CFAP47: variants seen among roughly 807,000 people sequenced by gnomAD.
CFAP47 encodes the protein cilia and flagella associated protein 47.
CFAP47 carries 29 observed loss-of-function variants against 148.1 expected under a neutral mutation model. That is an observed-to-expected ratio of 0.20 (90% CI 0.15 to 0.27). CFAP47 has a LOEUF of 0.27. Ranked by LOEUF, CFAP47 falls within the 10% of genes least tolerant of loss-of-function variation. The pLI is 1.00. For missense variants in CFAP47, 1,872 were observed against 1,697.5 expected (o/e 1.10, Z -1.81); for synonymous variants, 664 against 577.3 (o/e 1.15, Z -2.15).
At chrX:36,059,004 C>T (rs750248027) in intron 26 of CFAP47, among the ~76,000 whole-genome samples, 2 of 112,061 alleles carry the variant, frequency 1.8e-5, no homozygotes, top group Non-Finnish European at 3.8e-5. Flanking sequence ...GGAATTCAGA[C>T]CATTGGCCAG....
intron 26 of CFAP47, among the ~76,000 whole-genome samples, chrX:36,047,517 G>A (rs184953626): frequency 8.9e-6 from 1 of 112,075 alleles, no homozygotes; most frequent in African/African-American, 3.2e-5. Context: ...CTTTAACGGG[G>A]TGAGGAGATT....
chrX:36,119,772 C>T (rs773429594), intron 33 of CFAP47, among the ~76,000 whole-genome samples: 32 of 111,010 alleles, frequency 2.9e-4, no homozygotes, highest in Admixed American at 4.8e-4. Context: ...GATATCTTCA[C>T]GGTTTAAAGT....
chrX:35,956,540 A>G (rs533420518), intron 8 of CFAP47, among the ~76,000 whole-genome samples: 2 of 112,331 alleles, frequency 1.8e-5, no homozygotes, highest in African/African-American at 6.5e-5. Context: ...AAACTCAAAT[A>G]ACAGAATGTT....
chrX:36,333,220 CTT>C (rs11317977), intron 57 of CFAP47, among the ~76,000 whole-genome samples: 11 of 109,038 alleles, frequency 1.0e-4, no homozygotes, highest in African/African-American at 3.7e-4. Flanking sequence ...ATACATCTAC[CTT>C]TTTTTTTACC....
intron 62 of CFAP47, among the ~76,000 whole-genome samples, chrX:36,368,965 C>G (rs888810237): frequency 1.8e-5 from 2 of 111,249 alleles, no homozygotes; most frequent in African/African-American, 6.5e-5. Flanking sequence ...GAGAGCCAGG[C>G]AACTCTAGTC....
chrX:36,360,372 C>A (rs1941818651), intron 60 of CFAP47, among the ~76,000 whole-genome samples: 1 of 111,633 alleles, frequency 9.0e-6, no homozygotes, highest in African/African-American at 3.3e-5. Flanking sequence ...GGGGCCATGA[C>A]TGGGGACACA....
chrX:35,938,645 A>T (rs1935953094), intron 2 of CFAP47, among the ~76,000 whole-genome samples: 1 of 111,552 alleles, frequency 9.0e-6, no homozygotes. Context: ...ATCCCTATTT[A>T]AAATTTTTTG....
intron 21 of CFAP47, among the ~76,000 whole-genome samples, chrX:36,010,015 G>T (rs1219593274): frequency 9.0e-6 from 1 of 110,568 alleles, no homozygotes; most frequent in East Asian, 2.8e-4. Flanking sequence ...AGTTTACCAA[G>T]GTACCATGGA....
intron 3 of CFAP47, among the ~76,000 whole-genome samples, chrX:35,941,916 C>T (rs772740870): frequency 9.0e-6 from 1 of 111,306 alleles, no homozygotes; most frequent in African/African-American, 3.3e-5. Flanking sequence ...CCCCAGAAGG[C>T]TTTTACTAAT....
chrX:36,138,899 T>A (rs1035149182), intron 35 of CFAP47, among the ~76,000 whole-genome samples: 2 of 111,336 alleles, frequency 1.8e-5, no homozygotes, highest in African/African-American at 6.5e-5. Flanking sequence ...ACGTTTTAAT[T>A]GTATGTTGAC....
intron 33 of CFAP47, among the ~76,000 whole-genome samples, chrX:36,109,909 T>C (rs1938528134): frequency 8.9e-6 from 1 of 112,441 alleles, no homozygotes. Flanking sequence ...GTATGTCTTT[T>C]GAAAAGTGTC....
intron 51 of CFAP47, among the ~76,000 whole-genome samples, chrX:36,290,042 T>A (rs190045181): frequency 2.2e-3 from 247 of 110,209 alleles, no homozygotes; most frequent in African/African-American, 7.6e-3. Context: ...ACACCCTCTC[T>A]TCCTCCCTCC....
chrX:36,371,610 TATATATGTGTA>T (rs1171802393), intron 62 of CFAP47, among the ~76,000 whole-genome samples: 11 of 92,308 alleles, frequency 1.2e-4, no homozygotes, highest in African/African-American at 3.9e-4. Flanking sequence ...TATATATGTG[TATATATGTGTA>T]ATATATGTGT....
chrX:36,371,897 CATGTGTATATAT>C (rs1275738660), intron 62 of CFAP47, among the ~76,000 whole-genome samples: 2 of 76,884 alleles, frequency 2.6e-5, no homozygotes, highest in Admixed American at 2.7e-4. Flanking sequence ...CATATACACA[CATGTGTATATAT>C]GTGTGTATAT....
At chrX:35,989,171 C>A in intron 15 of CFAP47, 148 bp from the exon 16 acceptor site, 1 of 464,563 alleles carries the variant, frequency 2.2e-6, no homozygotes, top group Non-Finnish European at 3.6e-6. Flanking sequence ...TAATATCTCA[C>A]TTAGCATTTT....
chrX:36,301,131 A>G lies in CFAP47; in HGVS notation c.7922A>G (p.Glu2641Gly). 2 of 1,160,874 alleles carry G rather than the reference A, an allele frequency of 1.7e-6. No homozygotes were observed. The highest frequency in any genetic ancestry group is 2.3e-6 in the Non-Finnish European group (2 of 867,710). ...EFWYLLKLTI[E>G]LPKPTTMPEI... ...TGGTATTTACTGAAGTTAACTATTG[A>G]ATTACCAAAACCAACCACAATGCCA... The change falls in exon 53 of 64, where the codon GAA becomes GGA. Residue 2641 changes from glutamate to glycine, a missense_variant. Transcript: ENST00000378653.
At chrX:36,009,297 T>C (rs1203207612) in intron 21 of CFAP47, among the ~76,000 whole-genome samples, 1 of 110,849 alleles carries the variant, frequency 9.0e-6, no homozygotes, top group East Asian at 2.8e-4. Context: ...AATATTATAA[T>C]ATGTATGATA....
chrX:35,947,563 G>A (rs2061178138), intron 3 of CFAP47, among the ~76,000 whole-genome samples: 1 of 106,660 alleles, frequency 9.4e-6, no homozygotes, highest in Non-Finnish European at 1.9e-5. Flanking sequence ...CTGTGTAATT[G>A]CTGTCCTTTT....
intron 2 of CFAP47, among the ~76,000 whole-genome samples, chrX:35,940,570 G>A (rs1437822106): frequency 9.0e-6 from 1 of 111,074 alleles, no homozygotes; most frequent in Non-Finnish European, 1.9e-5. Context: ...TTTTACAAGA[G>A]GAAGAGAAAC....
Sources: allele counts gnomAD v4.1 joint callset (sites outside exome capture counted in the v4.1 genomes callset), GRCh38; gene constraint gnomAD v4.1.1; transcripts MANE v1.5; gene names NCBI Gene and HGNC (gene_info 2026-07-23, HGNC 2026-07-21).